Variants in PPFIA2 observed in about 807,000 individuals in gnomAD.
PPFIA2 encodes the protein liprin-alpha-2.
PPFIA2 carries 46 observed loss-of-function variants against 175.5 expected under a neutral mutation model. That is an observed-to-expected ratio of 0.26 (90% CI 0.21 to 0.34). The LOEUF is 0.34. Ranked by LOEUF, PPFIA2 falls within the 10% of genes least tolerant of loss-of-function variation. The pLI is 1.00. For missense variants in PPFIA2, 1,179 were observed against 1,506.1 expected (o/e 0.78, Z 3.60); for synonymous variants, 568 against 511.4 (o/e 1.11, Z -1.49).
chr12:81,673,078 C>G (rs2071741184), intron 4 of PPFIA2, among the ~76,000 whole-genome samples: 1 of 151,954 alleles, frequency 6.6e-6, no homozygotes, highest in Non-Finnish European at 1.5e-5. Flanking sequence ...TCCACTAAAT[C>G]CTACCTGTTG....
At chr12:81,520,752 C>G (rs1393010601) in intron 4 of PPFIA2, among the ~76,000 whole-genome samples, 7 of 152,120 alleles carry the variant, frequency 4.6e-5, no homozygotes, top group Non-Finnish European at 7.4e-5. Flanking sequence ...CTGAGAGCAT[C>G]CCCACACACT....
intron 21 of PPFIA2, among the ~76,000 whole-genome samples, chr12:81,336,185 A>G (rs1223153278): frequency 6.6e-6 from 1 of 152,198 alleles, no homozygotes; most frequent in Non-Finnish European, 1.5e-5. Flanking sequence ...AGCTTTTTCT[A>G]TCCTACTTTT....
chr12:81,271,982 T>A (rs11834130), intron 28 of PPFIA2, among the ~76,000 whole-genome samples: 7,921 of 152,244 alleles, frequency 0.052, 377 homozygotes, highest in African/African-American at 0.13. Flanking sequence ...AATTCTCTCT[T>A]TACTATTGAT....
At chr12:81,498,475 G>A (rs959309860) in intron 4 of PPFIA2, among the ~76,000 whole-genome samples, 5 of 152,074 alleles carry the variant, frequency 3.3e-5, no homozygotes, top group African/African-American at 1.2e-4. Flanking sequence ...CCTCAGTTTG[G>A]ATTTTTCTGG....
At chr12:81,457,161 T>C (rs2053717226) in intron 5 of PPFIA2, among the ~76,000 whole-genome samples, 1 of 152,024 alleles carries the variant, frequency 6.6e-6, no homozygotes, top group African/African-American at 2.4e-5. Flanking sequence ...CTTTTGTATT[T>C]ATAGTAGAAA....
At chr12:81,574,728 C>T (rs1339201570) in intron 4 of PPFIA2, among the ~76,000 whole-genome samples, 1 of 151,354 alleles carries the variant, frequency 6.6e-6, no homozygotes. Context: ...AAACACCACT[C>T]TTCTGATAGG....
At chr12:81,300,726 T>G (rs1014025215) in intron 22 of PPFIA2, among the ~76,000 whole-genome samples, 2 of 152,148 alleles carry the variant, frequency 1.3e-5, no homozygotes, top group African/African-American at 2.4e-5. Context: ...TGCTCTATCA[T>G]CCTCCATTCC....
chr12:81,586,894 A>G (rs2075374525), intron 4 of PPFIA2, among the ~76,000 whole-genome samples: 1 of 151,964 alleles, frequency 6.6e-6, no homozygotes, highest in African/African-American at 2.4e-5. Flanking sequence ...TTATTTAAAA[A>G]GTACCTTCAT....
At chr12:81,651,590 T>G (rs927601254) in intron 4 of PPFIA2, among the ~76,000 whole-genome samples, 5 of 152,260 alleles carry the variant, frequency 3.3e-5, no homozygotes, top group South Asian at 2.1e-4. Flanking sequence ...TTGTGTTACT[T>G]CAGTGGTGTT....
intron 22 of PPFIA2, among the ~76,000 whole-genome samples, chr12:81,313,556 C>T (rs2051499257): frequency 1.3e-5 from 2 of 152,078 alleles, no homozygotes; most frequent in Admixed American, 1.3e-4. Flanking sequence ...TAAACACTGG[C>T]ACTACACTGT....
chr12:81,641,154 G>T (rs1419630318), intron 4 of PPFIA2, among the ~76,000 whole-genome samples: 2 of 152,014 alleles, frequency 1.3e-5, no homozygotes, highest in Non-Finnish European at 2.9e-5. Context: ...TATATAACAG[G>T]TGTTAAATAT....
intron 21 of PPFIA2, 22 bp downstream of exon 21, chr12:81,339,158 G>C: frequency 6.4e-7 from 1 of 1,554,470 alleles, no homozygotes; most frequent in Non-Finnish European, 8.7e-7. Flanking sequence ...GCAGTGGAAA[G>C]TCTTAACACA....
intron 22 of PPFIA2, among the ~76,000 whole-genome samples, chr12:81,306,972 T>G (rs950620259): frequency 6.6e-6 from 1 of 152,196 alleles, no homozygotes; most frequent in African/African-American, 2.4e-5. Context: ...ATTATCTAAT[T>G]ACCTTTCCTT....
chr12:81,643,485 G>A lies in PPFIA2; in HGVS notation c.303+33306C>T, dbSNP rs554480186. On this transcript the variant is annotated intron_variant, in intron 4 of 32. Coordinates refer to ENST00000549396, the MANE Select transcript of PPFIA2 (RefSeq NM_003625.5). ...AAATTATGAATGAAAATAAGTCGAA[G>A]TAGAATGTTTACTTGAATTACATTT... Among the ~76,000 whole-genome samples, 26 of 152,092 alleles carry A rather than the reference G, an allele frequency of 1.7e-4. No homozygotes were observed. In the South Asian group the frequency reaches 3.3e-3, roughly 19 times the overall value.
intron 4 of PPFIA2, among the ~76,000 whole-genome samples, chr12:81,458,805 G>T (rs2054032612): frequency 6.6e-6 from 1 of 152,006 alleles, no homozygotes; most frequent in African/African-American, 2.4e-5. Flanking sequence ...ATAGTAAATA[G>T]ATCCATATTA....
intron 3 of PPFIA2, among the ~76,000 whole-genome samples, chr12:81,697,638 G>C (rs1442261604): frequency 6.6e-6 from 1 of 152,072 alleles, no homozygotes; most frequent in Non-Finnish European, 1.5e-5. Context: ...GTTTTCCTTA[G>C]TAAACTGAAA....
At chr12:81,329,920 C>A (rs1266837522) in intron 21 of PPFIA2, among the ~76,000 whole-genome samples, 1 of 152,206 alleles carries the variant, frequency 6.6e-6, no homozygotes, top group Non-Finnish European at 1.5e-5. Flanking sequence ...CAGCCCTGAA[C>A]TTTCCCAGAC....
chr12:81,669,227 T>G (rs1255938992), intron 4 of PPFIA2, among the ~76,000 whole-genome samples: 1 of 152,024 alleles, frequency 6.6e-6, no homozygotes, highest in Non-Finnish European at 1.5e-5. Context: ...CATTTGCTAT[T>G]GTCATTTTTA....
chr12:81,682,777 C>T (rs1017045414), intron 3 of PPFIA2, among the ~76,000 whole-genome samples: 1 of 151,870 alleles, frequency 6.6e-6, no homozygotes, highest in African/African-American at 2.4e-5. Context: ...CCTATTGTGC[C>T]CACCACATCA....
Sources: allele counts gnomAD v4.1 joint callset (sites outside exome capture counted in the v4.1 genomes callset), GRCh38; gene constraint gnomAD v4.1.1; transcripts MANE v1.5; gene names NCBI Gene and HGNC (gene_info 2026-07-23, HGNC 2026-07-21).